The following ADGRL3 variants were observed in gnomAD, a reference collection of about 807,000 sequenced individuals.
The protein encoded by ADGRL3 is calcium-independent alpha-latrotoxin receptor 3.
ADGRL3 carries 62 observed loss-of-function variants against 153.5 expected under a neutral mutation model. The ratio of observed to expected loss-of-function variants is 0.40; its 90% CI spans 0.33 to 0.50. ADGRL3 has a LOEUF of 0.50. ADGRL3 is among the 20% of genes least tolerant of loss of function. The pLI is 0.47. For synonymous variants in ADGRL3, 710 were observed against 672.5 expected (o/e 1.06, Z -0.86); for missense variants, 1,641 against 1,859.4 (o/e 0.88, Z 2.16).
intron 3 of ADGRL3, among the ~76,000 whole-genome samples, chr4:61,516,992 ATAATAT>A (rs2098499881): frequency 6.6e-6 from 1 of 151,996 alleles, no homozygotes; most frequent in Non-Finnish European, 1.5e-5. Context: ...AAAAATAAAA[ATAATAT>A]TTATATTTTT....
chr4:61,645,175 G>A (rs916065862), intron 5 of ADGRL3, among the ~76,000 whole-genome samples: 6 of 152,104 alleles, frequency 3.9e-5, no homozygotes, highest in Admixed American at 1.3e-4. Flanking sequence ...GAGCCTATGT[G>A]TATCTCTGCA....
intron 8 of ADGRL3, among the ~76,000 whole-genome samples, chr4:61,788,684 G>T (rs2152422406): frequency 6.6e-6 from 1 of 152,192 alleles, no homozygotes. Flanking sequence ...AAACCAAGAA[G>T]AAATCTCTGA....
rs376889044 is a variant in ADGRL3 at position 61,629,831 on chromosome 4, T to C, written c.473+42391T>C. The stretch of plus-strand genomic sequence containing the variant: ...ACTGCCAGAATCACAGTCATTTGCA[T>C]TGAACATGTGTCCTAATTGTATCCA... On this transcript the variant is annotated intron_variant, in intron 5 of 26. Coordinates refer to ENST00000683033, the MANE Select transcript of ADGRL3 (RefSeq NM_001387552.1). Among the ~76,000 whole-genome samples the C allele has an allele frequency of 6.7e-5, 10 of 149,256 alleles. No homozygotes were observed. The East Asian group carries it at 1.4e-3, about 21-fold the overall frequency.
chr4:62,001,441 G>A (rs2099139920), intron 21 of ADGRL3, among the ~76,000 whole-genome samples: 1 of 152,116 alleles, frequency 6.6e-6, no homozygotes, highest in Non-Finnish European at 1.5e-5. Context: ...TCTTTGGCAG[G>A]ATAACGGGAC....
intron 2 of ADGRL3, among the ~76,000 whole-genome samples, chr4:61,387,242 A>G (rs1321655988): frequency 6.6e-6 from 1 of 152,162 alleles, no homozygotes; most frequent in Non-Finnish European, 1.5e-5. Flanking sequence ...CAAGTACTTA[A>G]CAGGGTAATA....
chr4:61,403,433 A>G (rs2096955142), intron 2 of ADGRL3, among the ~76,000 whole-genome samples: 1 of 151,972 alleles, frequency 6.6e-6, no homozygotes, highest in African/African-American at 2.4e-5. Flanking sequence ...TACTTAGTGA[A>G]GTCTCATAAC....
At chr4:61,746,012 G>C (rs1227071531) in intron 8 of ADGRL3, among the ~76,000 whole-genome samples, 1 of 152,062 alleles carries the variant, frequency 6.6e-6, no homozygotes, top group Non-Finnish European at 1.5e-5. Context: ...GATGGAGGAA[G>C]ATCTACCAAA....
At chr4:61,579,915 T>C (rs886846468) in intron 4 of ADGRL3, among the ~76,000 whole-genome samples, 1 of 152,124 alleles carries the variant, frequency 6.6e-6, no homozygotes, top group African/African-American at 2.4e-5. Context: ...GGGTTATTTC[T>C]TTTGGTTACC....
chr4:61,512,950 T>C (rs2098471401), intron 3 of ADGRL3, among the ~76,000 whole-genome samples: 1 of 152,080 alleles, frequency 6.6e-6, no homozygotes, highest in Non-Finnish European at 1.5e-5. Flanking sequence ...AGGCTCATGG[T>C]TGGGTTGCTA....
chr4:61,924,648 G>A (rs189480701), intron 13 of ADGRL3, among the ~76,000 whole-genome samples: 5 of 152,170 alleles, frequency 3.3e-5, no homozygotes, highest in South Asian at 2.1e-4. Flanking sequence ...AACACATGCC[G>A]TTTTAAGGTT....
chr4:61,606,163 C>CTTTA (rs766163254), intron 5 of ADGRL3, among the ~76,000 whole-genome samples: 1 of 152,064 alleles, frequency 6.6e-6, no homozygotes, highest in Non-Finnish European at 1.5e-5. Flanking sequence ...TAGGCTAAGG[C>CTTTA]TTTACCATGG....
At chr4:61,558,019 C>T (rs1579519651) in intron 4 of ADGRL3, among the ~76,000 whole-genome samples, 1 of 150,768 alleles carries the variant, frequency 6.6e-6, no homozygotes, top group Non-Finnish European at 1.5e-5. Context: ...AAAAGTGTCT[C>T]CAGTTTTGAG....
chr4:61,256,288 C>G (rs1486338560), intron 1 of ADGRL3, among the ~76,000 whole-genome samples: 1 of 152,038 alleles, frequency 6.6e-6, no homozygotes, highest in Admixed American at 6.6e-5. Flanking sequence ...ACTTTTTACA[C>G]CATTAATCTC....
At chr4:61,576,599 G>A (rs1404382191) in intron 4 of ADGRL3, among the ~76,000 whole-genome samples, 2 of 146,216 alleles carry the variant, frequency 1.4e-5, no homozygotes, top group Admixed American at 1.4e-4. Flanking sequence ...CTAGTGTGCA[G>A]TCAACTTATT....
chr4:61,508,880 G>A (rs974513624), intron 3 of ADGRL3, among the ~76,000 whole-genome samples: 6 of 152,070 alleles, frequency 3.9e-5, no homozygotes, highest in African/African-American at 9.7e-5. Flanking sequence ...GAATCATGGC[G>A]GGAGGCAAGA....
intron 17 of ADGRL3, among the ~76,000 whole-genome samples, chr4:61,963,029 G>T (rs1035967329): frequency 1.3e-5 from 2 of 152,018 alleles, no homozygotes; most frequent in Non-Finnish European, 2.9e-5. Context: ...GGACCTTGAA[G>T]AGTCAGAGAA....
chr4:61,649,524 A>C (rs1037592928), intron 5 of ADGRL3, among the ~76,000 whole-genome samples: 2 of 151,968 alleles, frequency 1.3e-5, no homozygotes, highest in Admixed American at 1.3e-4. Flanking sequence ...CTGGATTTAC[A>C]GTTTATGTAT....
intron 5 of ADGRL3, among the ~76,000 whole-genome samples, chr4:61,621,229 C>T (rs574449894): frequency 9.9e-5 from 15 of 151,822 alleles, no homozygotes; most frequent in Non-Finnish European, 2.1e-4. Flanking sequence ...TGTATCCTGT[C>T]TCAATTATAT....
intron 2 of ADGRL3, among the ~76,000 whole-genome samples, chr4:61,426,086 C>T (rs573262412): frequency 6.6e-6 from 1 of 152,336 alleles, no homozygotes; most frequent in Admixed American, 6.5e-5. Context: ...CAGGTCCAAC[C>T]TTGAACTACA....
Sources: allele counts gnomAD v4.1 joint callset (sites outside exome capture counted in the v4.1 genomes callset), GRCh38; gene constraint gnomAD v4.1.1; transcripts MANE v1.5; gene names NCBI Gene and HGNC (gene_info 2026-07-23, HGNC 2026-07-21).